The following HTR4 variants were observed in gnomAD, a reference collection of about 807,000 sequenced individuals.
HTR4 encodes 5-hydroxytryptamine receptor 4.
HTR4 carries 16 observed loss-of-function variants against 36.8 expected under a neutral mutation model. The ratio of observed to expected loss-of-function variants is 0.43; its 90% CI spans 0.29 to 0.66. The LOEUF is 0.66. HTR4 is among the 30% of genes least tolerant of loss of function. HTR4 has a pLI of 0.13. For missense variants in HTR4, 438 were observed against 490.9 expected, an observed-to-expected ratio of 0.89 and a Z score of 1.02; for synonymous variants, 189 against 185.1, an observed-to-expected ratio of 1.02 and a Z score of -0.17.
intron 2 of HTR4, among the ~76,000 whole-genome samples, chr5:148,615,982 C>T (rs1352031509): frequency 6.6e-6 from 1 of 152,106 alleles, no homozygotes; most frequent in Non-Finnish European, 1.5e-5. Flanking sequence ...GCTTTCTCTC[C>T]TTTTCTATTT....
intron 2 of HTR4, among the ~76,000 whole-genome samples, chr5:148,599,298 A>C (rs1761897047): frequency 6.6e-6 from 1 of 152,206 alleles, no homozygotes; most frequent in Non-Finnish European, 1.5e-5. Flanking sequence ...AACCAAGATC[A>C]ATACAAAGTA....
At chr5:148,473,978 T>C (rs565870292), downstream of HTR4, among the ~76,000 whole-genome samples, 1 of 151,814 alleles carries the variant, frequency 6.6e-6, no homozygotes, top group Non-Finnish European at 1.5e-5. Context: ...AATTCAAGAA[T>C]GATTTTGGCC....
rs1755939690 is a variant in HTR4, at chr5:148,482,568, C to T, written c.*635G>A. 1 of 986,348 alleles carries T rather than the reference C, an allele frequency of 1.0e-6. No individual in the cohort carries two copies. Among genetic ancestry groups the T allele is most frequent in the African/African-American group, 1.7e-5 (1 of 57,218 alleles). 61.1% of individuals were successfully genotyped at this position (986,348 alleles called of 1,614,324 possible). A position where few individuals can be genotyped will look rare whatever the true frequency, so the allele number is the denominator to read the frequency against. On this transcript the variant is annotated 3_prime_UTR_variant, in exon 7 of 7. Transcript: ENST00000377888. ...CCTGAAGAGGAGGACAGACATTGGA[C>T]ATAAGGAAGAGCAAGTGGACGTCTG...
chr5:148,592,495 T>G (rs957964577), intron 2 of HTR4, among the ~76,000 whole-genome samples: 65 of 152,310 alleles, frequency 4.3e-4, no homozygotes, highest in African/African-American at 1.5e-3. Context: ...TAGTCTGTAC[T>G]GTTGCTGAAA....
chr5:148,547,082 A>G (rs565319414), intron 4 of HTR4, among the ~76,000 whole-genome samples: 15 of 152,304 alleles, frequency 9.8e-5, no homozygotes, highest in African/African-American at 3.6e-4. Flanking sequence ...GCAGAGGAAA[A>G]GAGAAAGCAA....
rs1463396831 is a variant in HTR4, at chr5:148,651,086, TGAGAGTAACA to T, written c.-48+2966_-48+2975del. ...AGGTTGAGTTACCGCATTGCTAAAA[TGAGAGTAACA>T]GAAGTATCTCTTTCATAGGATTCTT... On this transcript the variant is annotated intron_variant, in intron 1 of 6. Coordinates refer to ENST00000377888, the MANE Select transcript of HTR4 (RefSeq NM_000870.7). Among the ~76,000 whole-genome samples, 6 of 152,336 alleles carry T rather than the reference TGAGAGTAACA, an allele frequency of 3.9e-5. No homozygotes were observed. In the East Asian group the frequency reaches 1.2e-3, roughly 29 times the overall value.
chr5:148,462,759 C>A (rs191224636), intron 5 of HTR4, among the ~76,000 whole-genome samples: 1 of 152,100 alleles, frequency 6.6e-6, no homozygotes, highest in African/African-American at 2.4e-5. Flanking sequence ...CAAAAATCAT[C>A]AACAAGATAT....
At chr5:148,638,986 G>T (rs1753641301) in intron 1 of HTR4, among the ~76,000 whole-genome samples, 1 of 152,088 alleles carries the variant, frequency 6.6e-6, no homozygotes, top group South Asian at 2.1e-4. Flanking sequence ...GGTTGAGGCT[G>T]CTGTGAGCCA....
chr5:148,654,192 C>A lies in HTR4; in HGVS notation c.-178G>T, dbSNP rs1754126279. The stretch of plus-strand genomic sequence containing the variant: ...GCTGCCTGCGCCCTCCCTGCCGCCC[C>A]CTCGGGTGCGGGCTCCAGCCCCCGC... On this transcript the variant is annotated 5_prime_UTR_variant, in exon 1 of 7. Transcript: ENST00000377888. 1.0e-6 allele frequency: 1 copy of A among 985,214 alleles called. No individual in the cohort carries two copies. Among genetic ancestry groups the A allele is most frequent in the Middle Eastern group, 5.2e-4 (1 of 1,912 alleles). 61.0% of individuals were successfully genotyped at this position (985,214 alleles called of 1,614,324 possible).
At chr5:148,620,072 G>A (rs1752857934) in intron 2 of HTR4, among the ~76,000 whole-genome samples, 2 of 152,172 alleles carry the variant, frequency 1.3e-5, no homozygotes. Flanking sequence ...AAGCAAAAGA[G>A]AGACTCCATC....
rs923491529 is a variant in HTR4 at position 148,482,059 on chromosome 5, G to A, written c.*1144C>T. On this transcript the variant is annotated 3_prime_UTR_variant, in exon 7 of 7. Transcript: ENST00000377888. ...ACAGATGTGGAAAGTGGGGTCCAGA[G>A]ATGAAAGAACACTATTCAAGATCTC... The A allele has an allele frequency of 2.3e-5, 23 of 980,310 alleles. No homozygotes were observed. The highest frequency in any genetic ancestry group is 2.7e-5 in the Non-Finnish European group (22 of 824,798). 60.7% of individuals were successfully genotyped at this position (980,310 alleles called of 1,614,324 possible). A position where few individuals can be genotyped will look rare whatever the true frequency, so the allele number is the denominator to read the frequency against.
intron 4 of HTR4, among the ~76,000 whole-genome samples, chr5:148,543,872 G>A (rs1561608768): frequency 6.6e-6 from 1 of 152,144 alleles, no homozygotes; most frequent in Non-Finnish European, 1.5e-5. Context: ...ATGTGAGGGT[G>A]TTTGATGAGA....
At chr5:148,531,111 C>T (rs1307092475) in intron 4 of HTR4, among the ~76,000 whole-genome samples, 4 of 152,234 alleles carry the variant, frequency 2.6e-5, no homozygotes, top group South Asian at 2.1e-4. Flanking sequence ...AGATGTTGGA[C>T]TGTGGACTTT....
rs186187328 is a variant in HTR4, at chr5:148,516,564, C to T, written c.508-6540G>A. ...TGAACTCCTGACCTCATGATCTGCC[C>T]GCCTTGGCCTCCCAAAGTGCTGGGA... On this transcript the variant is annotated intron_variant, in intron 5 of 6. Coordinates refer to ENST00000377888, the MANE Select transcript of HTR4 (RefSeq NM_000870.7). Among the ~76,000 whole-genome samples, 30 of 151,756 alleles carry T rather than the reference C, an allele frequency of 2.0e-4. No homozygotes were observed. In the South Asian group the frequency reaches 4.4e-3, roughly 22 times the overall value.
intron 5 of HTR4, among the ~76,000 whole-genome samples, chr5:148,469,154 T>C (rs1039058316): frequency 5.9e-5 from 9 of 152,114 alleles, no homozygotes; most frequent in Non-Finnish European, 1.0e-4. Flanking sequence ...GAAACACAAA[T>C]TTACATACTG....
At chr5:148,456,952 C>T (rs1755114970) in intron 5 of HTR4, among the ~76,000 whole-genome samples, 2 of 152,180 alleles carry the variant, frequency 1.3e-5, no homozygotes, top group Admixed American at 1.3e-4. Context: ...GAAATCCTTT[C>T]CTCAGTAACT....
At chr5:148,483,389 G>T in intron 6 of HTR4, 96 bp from the exon 7 acceptor site, 1 of 1,098,018 alleles carries the variant, frequency 9.1e-7, no homozygotes, top group Non-Finnish European at 1.4e-6. Flanking sequence ...AACACTCTGT[G>T]CCATGCAGAT....
chr5:148,518,841 C>T (rs1303461661), intron 5 of HTR4, among the ~76,000 whole-genome samples: 4 of 152,126 alleles, frequency 2.6e-5, no homozygotes, highest in Non-Finnish European at 5.9e-5. Flanking sequence ...ACTTACTTTT[C>T]CTCTTCCTGC....
chr5:148,575,742 T>C (rs551299015), intron 2 of HTR4, among the ~76,000 whole-genome samples: 2 of 152,124 alleles, frequency 1.3e-5, no homozygotes, highest in Admixed American at 1.3e-4. Context: ...AAAGTTTAAA[T>C]AAACTAAACA....
Sources: gnomAD v4.1 joint callset for allele counts (sites outside exome capture counted in the v4.1 genomes callset) on GRCh38, gnomAD v4.1.1 for gene constraint, MANE v1.5 for transcripts, NCBI Gene and HGNC (gene_info 2026-07-23, HGNC 2026-07-21) for gene names.